The following ZNF518A variants were observed in gnomAD, a reference collection of about 807,000 sequenced individuals.
ZNF518A encodes the protein zinc finger protein 518A, also known as zinc finger protein 518.
ZNF518A carries 47 observed loss-of-function variants against 102.7 expected under a neutral mutation model. The ratio of observed to expected loss-of-function variants is 0.46; its 90% confidence interval spans 0.36 to 0.58. The LOEUF (loss-of-function observed/expected upper bound fraction) is 0.58. Among genes scored for constraint, ZNF518A ranks in the 20% least tolerant of loss-of-function variants. ZNF518A has a pLI of 0.00. For missense variants in ZNF518A, 1,793 were observed against 1,699.8 expected, an observed-to-expected ratio of 1.05 and a Z score of -0.96; for synonymous variants, 652 against 594.6, an observed-to-expected ratio of 1.10 and a Z score of -1.40.
chr10:96,129,796 G>C (rs143555761), upstream of ZNF518A: 1 of 152,442 alleles, frequency 6.6e-6, no homozygotes, highest in Admixed American at 6.5e-5. Context: ...GCACAGAGTA[G>C]ACGTTTGTCT....
chr10:96,204,643 G>T (rs2083748644), downstream of ZNF518A: 1 of 1,609,192 alleles, frequency 6.2e-7, no homozygotes, highest in African/African-American at 1.3e-5. Context: ...ATCATATTAG[G>T]ATTAGAGTGA....
chr10:96,163,487 A>G lies in ZNF518A; in HGVS notation c.*2713A>G, dbSNP rs587599899. On this transcript the variant is annotated 3_prime_UTR_variant, in exon 6 of 6. Coordinates refer to ENST00000316045, the MANE Select transcript of ZNF518A (RefSeq NM_001330736.2). ...TCTCCACTGAAATGGGTTTCTTACT[A>G]TTTGGCAAGTACTTAAAAAACATAA... 41 of 167,140 alleles carry G rather than the reference A, an allele frequency of 2.5e-4. No individual in the cohort carries two copies. The highest frequency in any genetic ancestry group is 6.8e-3 in the Middle Eastern group (2 of 296). The allele number at this position is 167,140 out of a possible 1,614,324, so 10.4% of individuals were successfully genotyped here. A position where few individuals can be genotyped will look rare whatever the true frequency, so the allele number is the denominator to read the frequency against.
At chr10:96,168,152 A>G (rs939201956), downstream of ZNF518A, among the ~76,000 whole-genome samples, 11 of 152,182 alleles carry the variant, frequency 7.2e-5, no homozygotes, top group Admixed American at 2.0e-4. Flanking sequence ...AAAATCTGCA[A>G]TGTAAAAGGC....
chr10:96,164,232 T>C (rs1237023434), downstream of ZNF518A, among the ~76,000 whole-genome samples: 7 of 152,214 alleles, frequency 4.6e-5, no homozygotes, highest in African/African-American at 1.4e-4. Context: ...ATACAGCTTA[T>C]CTTGATTTTT....
At chr10:96,204,842 C>T (rs1310119095), downstream of ZNF518A, 1 of 501,744 alleles carries the variant, frequency 2.0e-6, no homozygotes, top group South Asian at 2.0e-5. Context: ...ATCCTACCAC[C>T]TCTGCATTCA....
intron 3 of ZNF518A, among the ~76,000 whole-genome samples, chr10:96,154,805 TG>T (rs2082621493): frequency 6.6e-6 from 1 of 152,228 alleles, no homozygotes; most frequent in African/African-American, 2.4e-5. Flanking sequence ...CACATTTTAC[TG>T]TATTAGTCAT....
At position 96,160,331 on chromosome 10, in the gene ZNF518A, C is replaced by T; in HGVS notation, c.4009C>T (p.Leu1337Phe). ...GCTTTTCCCTTTTAGTTCTAAACAG[C>T]TTGTGAAATGTCCTAGGAGAAACCA... ...LRLFPFSSKQ[L>F]VKCPRRNQPV... The change falls in exon 6 of 6, where the codon CTT (leucine) becomes TTT (phenylalanine). Residue 1337 changes from leucine to phenylalanine, a missense_variant. Physicochemically the swap from Leu to Phe is conservative, Grantham distance 22. Coordinates refer to ENST00000316045, the MANE Select transcript of ZNF518A (RefSeq NM_001330736.2). The T allele has an allele frequency of 6.2e-7, 1 of 1,613,656 alleles. No individual in the cohort carries two copies. The highest frequency in any genetic ancestry group is 8.5e-7 in the Non-Finnish European group (1 of 1,179,674).
chr10:96,147,673 G>A (rs2133498070), intron 3 of ZNF518A, among the ~76,000 whole-genome samples: 1 of 152,252 alleles, frequency 6.6e-6, no homozygotes, highest in Admixed American at 6.5e-5. Context: ...CTGTTGCTGA[G>A]AAATCTAAAG....
chr10:96,204,704 A>G (rs1036738286), downstream of ZNF518A: 10 of 1,213,220 alleles, frequency 8.2e-6, no homozygotes, highest in Non-Finnish European at 1.2e-5. Flanking sequence ...GAAGAACCAA[A>G]TTTGATCAGA....
Position 96,158,701 on chromosome 10 carries a change from A to G in ZNF518A, c.2379A>G (p.Ile793Met), listed in dbSNP as rs1554885000. Reference sequence around the variant, plus strand: ...AATTGCTTCAGGATGTATTGAAAATAAAACCTGATGTAAAACAAGACTCTA... The same window carrying G: ...AATTGCTTCAGGATGTATTGAAAATGAAACCTGATGTAAAACAAGACTCTA... Reference protein sequence around the residue: ...VNQLLQDVLKIKPDVKQDSSN... With the variant: ...VNQLLQDVLKMKPDVKQDSSN... The change falls in exon 6 of 6, where the codon ATA becomes ATG. Residue 793 changes from isoleucine to methionine, a missense_variant. Ile to Met is a conservative substitution (Grantham distance 10). Around this residue, in one of 3 missense-constraint regions of ZNF518A, gnomAD observed 1,741 missense variants for 1,622.6 expected, o/e 1.07. Coordinates refer to ENST00000316045, the MANE Select transcript of ZNF518A (RefSeq NM_001330736.2). The G allele has an allele frequency of 1.2e-6, 2 of 1,613,300 alleles. No individual in the cohort carries two copies. The highest frequency in any genetic ancestry group is 2.7e-5 in the African/African-American group (2 of 74,900).
At chr10:96,129,885 G>T (rs79162768), upstream of ZNF518A, 2 of 152,396 alleles carry the variant, frequency 1.3e-5, no homozygotes, top group East Asian at 3.9e-4. Context: ...GTGGGCGCCG[G>T]GGCCGCGCGC....
intron 1 of ZNF518A, among the ~76,000 whole-genome samples, chr10:96,173,921 A>G (rs1318496645): frequency 6.6e-6 from 1 of 152,184 alleles, no homozygotes; most frequent in Non-Finnish European, 1.5e-5. Context: ...TTCTCCAACC[A>G]CAATAGAATT....
At position 96,160,934 on chromosome 10, in the gene ZNF518A, A is replaced by G. The variant is rs2082975462; in HGVS notation, c.*160A>G. The G allele has an allele frequency of 9.3e-6, 7 of 754,258 alleles. No homozygotes were observed. Among genetic ancestry groups the G allele is most frequent in the Non-Finnish European group, 1.3e-5 (7 of 519,100 alleles). The allele number at this position is 754,258 out of a possible 1,614,324, so 46.7% of individuals were successfully genotyped here. The stretch of plus-strand genomic sequence containing the variant: ...CTGTGGAAGAGTAAAAGTTGTATGT[A>G]TGATATTTGAAAATGCTATCCCTGC... On this transcript the variant is annotated 3_prime_UTR_variant, in exon 6 of 6. Transcript: ENST00000316045.
chr10:96,136,473 A>G (rs2081604056), intron 3 of ZNF518A, among the ~76,000 whole-genome samples: 1 of 151,130 alleles, frequency 6.6e-6, no homozygotes, highest in African/African-American at 2.4e-5. Flanking sequence ...TTCCTTAGTG[A>G]GAAAGCCAGT....
rs1554895834 is a variant in ZNF518A at position 96,200,411 on chromosome 10, AT to A, written n.36-3162del. On this transcript the variant is annotated intron_variant and non_coding_transcript_variant, in intron 1 of 2. Transcript: ENST00000442635. This position sits in a 1 kb window ranked among gnomAD's most constrained non-coding sequence, Gnocchi z 4.3. Reference sequence around the variant, plus strand: ...CTTTCTTTCTCCTAAATAAGTAATAATCCCCCTTTCCATTGTGCTCTTATTG... The same window carrying A: ...CTTTCTTTCTCCTAAATAAGTAATAACCCCCTTTCCATTGTGCTCTTATTG... 6.6e-6 allele frequency among the ~76,000 whole-genome samples: 1 copy of A among 152,112 alleles called. No homozygotes were observed. The highest frequency in any genetic ancestry group is 1.9e-4 in the East Asian group (1 of 5,204).
chr10:96,177,665 T>C (rs782352587), intron 1 of ZNF518A, among the ~76,000 whole-genome samples: 1 of 152,134 alleles, frequency 6.6e-6, no homozygotes, highest in Non-Finnish European at 1.5e-5. Context: ...AAAAAACATG[T>C]AATTACTAAG....
chr10:96,180,229 T>G (rs2083231863), intron 1 of ZNF518A, among the ~76,000 whole-genome samples: 2 of 147,984 alleles, frequency 1.4e-5, no homozygotes, highest in South Asian at 4.4e-4. Context: ...GTTGCTATGT[T>G]GCTAAGCCTG....
In ZNF518A at chr10:96,160,641, C is replaced by T. The variant is rs782133466; in HGVS notation, c.4319C>T (p.Thr1440Ile). Residue 1440 changes from threonine (T) to isoleucine (I), a missense_variant, in exon 6 of 6, where the codon ACC becomes ATC. Thr to Ile is a moderately conservative substitution (Grantham distance 89). Transcript: ENST00000316045. ...SKNNYQIVKT[T>I]SENILKAKFN... Reference sequence around the variant, plus strand: ...AACAATTACCAGATTGTGAAGACTACCTCTGAAAATATTTTGAAGGCTAAA... The same window carrying T: ...AACAATTACCAGATTGTGAAGACTATCTCTGAAAATATTTTGAAGGCTAAA... 6.2e-7 allele frequency: 1 copy of T among 1,613,020 alleles called. No homozygotes were observed. Among genetic ancestry groups the T allele is most frequent in the Non-Finnish European group, 8.5e-7 (1 of 1,179,514 alleles).
chr10:96,162,135 T>G lies in ZNF518A; in HGVS notation c.*1361T>G, dbSNP rs782453122. 11 of 166,466 alleles carry G rather than the reference T, an allele frequency of 6.6e-5. No individual in the cohort carries two copies. The highest frequency in any genetic ancestry group is 1.5e-5 in the Non-Finnish European group (1 of 67,644). 10.3% of individuals were successfully genotyped at this position (166,466 alleles called of 1,614,324 possible). A position where few individuals can be genotyped will look rare whatever the true frequency, so the allele number is the denominator to read the frequency against. On this transcript the variant is annotated 3_prime_UTR_variant, in exon 6 of 6. Transcript: ENST00000316045. ...ATTAATGGATGAAAACTTCAGGGCT[T>G]CTTTTCTGTATATAACAAATTAAGT...
Sources: allele counts gnomAD v4.1 joint callset (sites outside exome capture counted in the v4.1 genomes callset), GRCh38; gene constraint gnomAD v4.1.1; regional missense constraint gnomAD v4.1.1; non-coding constraint Gnocchi (gnomAD v3.1); transcripts MANE v1.5; gene names NCBI Gene and HGNC (gene_info 2026-07-23, HGNC 2026-07-21).